The following NAA15 variants were observed in gnomAD, a reference collection of about 807,000 sequenced individuals.
NAA15 encodes N-alpha-acetyltransferase 15, NatA auxiliary subunit.
In NAA15, 34 loss-of-function variants were observed where a neutral mutation model predicts 114.0. That is an observed-to-expected ratio of 0.30 (90% CI 0.23 to 0.40). NAA15 has a LOEUF of 0.40. NAA15 is among the 10% of genes least tolerant of loss of function. The probability of loss-of-function intolerance (pLI) is 1.00; values close to 1 mark genes in which losing one functional copy is unlikely to be tolerated. For synonymous variants in NAA15, 340 were observed against 338.0 expected, an observed-to-expected ratio of 1.01 and a Z score of -0.06; for missense variants, 658 against 1,004.5, an observed-to-expected ratio of 0.66 and a Z score of 4.66.
In NAA15 at chr4:139,361,852, G is replaced by A; in HGVS notation, c.1668G>A (p.Lys556=). The A allele has an allele frequency of 6.2e-7, 1 of 1,613,682 alleles. No homozygotes were observed. Among genetic ancestry groups the A allele is most frequent in the East Asian group, 2.2e-5 (1 of 44,774 alleles). The change falls in exon 14 of 20, where the codon AAG becomes AAA. Residue 556 remains lysine, a synonymous_variant. Transcript: ENST00000296543. ...DVLRQHPFYF[K]AARIAIEIYL... The stretch of plus-strand genomic sequence containing the variant: ...TTCGACAGCATCCATTTTACTTCAA[G>A]GCAGCAAGAATTGCTATAGAGATCT...
At chr4:139,315,077 T>TAGGTTAGGTTAGGTTAGGTTAGGTTAGG (rs1560953122) in intron 1 of NAA15, among the ~76,000 whole-genome samples, 9 of 147,358 alleles carry the variant, frequency 6.1e-5, no homozygotes, top group East Asian at 3.9e-4. Flanking sequence ...TTAGTTTAGT[T>TAGGTTAGGTTAGGTTAGGTTAGGTTAGG]TTTGAGACGG....
chr4:139,346,479 G>GGA (rs1747585295), intron 6 of NAA15, among the ~76,000 whole-genome samples: 1 of 152,062 alleles, frequency 6.6e-6, no homozygotes, highest in African/African-American at 2.4e-5. Context: ...ATAGTTGGTG[G>GGA]GAGAAGATAA....
intron 1 of NAA15, among the ~76,000 whole-genome samples, chr4:139,304,175 T>A (rs981321296): frequency 6.6e-6 from 1 of 152,252 alleles, no homozygotes; most frequent in Non-Finnish European, 1.5e-5. Flanking sequence ...GCCTCGGCCT[T>A]CCGAAGTGCT....
At chr4:139,301,965 A>G (rs1560945892) in intron 1 of NAA15, 134 bp downstream of exon 1, 5 of 953,178 alleles carry the variant, frequency 5.2e-6, no homozygotes, top group Non-Finnish European at 7.8e-6. Flanking sequence ...GTCAGGCCGA[A>G]TGCATTGCTT....
At chr4:139,313,914 G>T (rs890976102) in intron 1 of NAA15, among the ~76,000 whole-genome samples, 12 of 151,824 alleles carry the variant, frequency 7.9e-5, no homozygotes, top group African/African-American at 2.9e-4. Context: ...AAAAGTCGCT[G>T]CGCTTTGCAA....
At position 139,344,193 on chromosome 4, in the gene NAA15, C is replaced by A; in HGVS notation, c.545C>A (p.Pro182His). Residue 182 changes from proline (P) to histidine (H), a missense_variant, in exon 6 of 20, where the codon CCT (proline) becomes CAT (histidine). Transcript: ENST00000296543. ...EEFRKTQQTSPDKVDYEYSEL... is the reference protein window; with the variant it reads ...EEFRKTQQTSHDKVDYEYSEL... ...CCTTATATCCATATACAGACATCCC[C>A]TGACAAGGTGGATTATGAATATAGT... 6.2e-7 allele frequency: 1 copy of A among 1,608,532 alleles called. No homozygotes were observed. Among genetic ancestry groups the A allele is most frequent in the South Asian group, 1.1e-5 (1 of 89,598 alleles).
chr4:139,337,339 G>A (rs1364797163), intron 3 of NAA15, among the ~76,000 whole-genome samples: 3 of 152,230 alleles, frequency 2.0e-5, no homozygotes, highest in South Asian at 2.1e-4. Flanking sequence ...ATATTAGAGC[G>A]GCATTATAAT....
intron 1 of NAA15, among the ~76,000 whole-genome samples, chr4:139,311,995 C>T (rs1202676337): frequency 1.3e-5 from 2 of 151,480 alleles, no homozygotes; most frequent in African/African-American, 2.4e-5. Flanking sequence ...GGAAAGTAAT[C>T]GTAGTGTTAG....
intron 5 of NAA15, among the ~76,000 whole-genome samples, chr4:139,343,683 A>C (rs1747486358): frequency 6.6e-6 from 1 of 152,254 alleles, no homozygotes; most frequent in South Asian, 2.1e-4. Flanking sequence ...GGCACATGCC[A>C]TCAGTTCGTT....
At position 139,328,143 on chromosome 4, in the gene NAA15, T is replaced by G. The variant is rs770221091; in HGVS notation, c.55-6031T>G. ...ATTTTTTTTTTCTTCTTCTGAAGTG[T>G]CATAAAATCTGCTTTACTCTTATCT... On this transcript the variant is annotated intron_variant, in intron 1 of 19. Transcript: ENST00000296543. 2.6e-4 allele frequency among the ~76,000 whole-genome samples: 40 copies of G among 152,188 alleles called. No homozygotes were observed. In the South Asian group the frequency reaches 2.9e-3, roughly 11 times the overall value.
chr4:139,303,635 G>A (rs1745890889), intron 1 of NAA15, among the ~76,000 whole-genome samples: 2 of 152,054 alleles, frequency 1.3e-5, no homozygotes, highest in African/African-American at 4.8e-5. Flanking sequence ...TGTCTCTACT[G>A]AAAATACAAA....
At chr4:139,347,222 G>C (rs1349836511) in intron 6 of NAA15, among the ~76,000 whole-genome samples, 5 of 152,248 alleles carry the variant, frequency 3.3e-5, no homozygotes, top group Middle Eastern at 3.4e-3. Flanking sequence ...AGCGCTCCTA[G>C]CTTATTTAGA....
At chr4:139,376,602 A>C in intron 16 of NAA15, 129 bp downstream of exon 16, 1 of 663,686 alleles carries the variant, frequency 1.5e-6, no homozygotes, top group Non-Finnish European at 2.7e-6. Context: ...TCTCACAGAA[A>C]TGCCTGCTAT....
intron 10 of NAA15, 112 bp downstream of exon 10, chr4:139,354,210 A>AT (rs1560971242): frequency 1.4e-5 from 11 of 771,418 alleles, no homozygotes; most frequent in East Asian, 2.6e-5. Flanking sequence ...AGTGCATTAA[A>AT]TTTTTTTCTC....
At chr4:139,355,724 G>A (rs913901844) in intron 10 of NAA15, among the ~76,000 whole-genome samples, 2 of 152,164 alleles carry the variant, frequency 1.3e-5, no homozygotes, top group East Asian at 1.9e-4. Flanking sequence ...GGTCCAACTA[G>A]AGATTTGATG....
Position 139,384,894 on chromosome 4 carries a change from C to A in NAA15, c.2218C>A (p.Arg740Ser). Residue 740 changes from arginine (R) to serine (S), a missense_variant, in exon 18 of 20, where the codon CGT becomes AGT. Physicochemically the swap from Arg to Ser is moderately radical, Grantham distance 110. Coordinates refer to ENST00000296543, the MANE Select transcript of NAA15 (RefSeq NM_057175.5). The part of the protein sequence containing the change: ...VRTVLKQEMN[R>S]LFGATNPKNF... ...AACAGTATTAAAACAAGAAATGAAT[C>A]GTCTTTTTGGAGCAACGAATCCAAA... 6.4e-7 allele frequency: 1 copy of A among 1,551,046 alleles called. No homozygotes were observed. Among genetic ancestry groups the A allele is most frequent in the Non-Finnish European group, 8.7e-7 (1 of 1,145,914 alleles).
chr4:139,363,142 G>C lies in NAA15; in HGVS notation c.1753+1205G>C, dbSNP rs530247696. 1.6e-4 allele frequency among the ~76,000 whole-genome samples: 24 copies of C among 152,272 alleles called. No homozygotes were observed. In the South Asian group the frequency reaches 4.6e-3, roughly 29 times the overall value. On this transcript the variant is annotated intron_variant, in intron 14 of 19. Transcript: ENST00000296543. ...AAACACCAGTAAGAAGAATCTGCTG[G>C]ACAATTTACTGTTAAAGTTGAGAGC...
chr4:139,362,525 G>A (rs1427721549), intron 14 of NAA15, among the ~76,000 whole-genome samples: 2 of 151,996 alleles, frequency 1.3e-5, no homozygotes, highest in African/African-American at 4.8e-5. Context: ...TGCCCACCTC[G>A]GCCTCCCAGA....
intron 1 of NAA15, among the ~76,000 whole-genome samples, chr4:139,329,995 G>A (rs534553213): frequency 8.5e-5 from 13 of 152,198 alleles, no homozygotes; most frequent in Admixed American, 5.2e-4. Flanking sequence ...ACAGTCTTGC[G>A]CCACCTGTTA....
Sources: allele counts gnomAD v4.1 joint callset (sites outside exome capture counted in the v4.1 genomes callset), GRCh38; gene constraint gnomAD v4.1.1; transcripts MANE v1.5; gene names NCBI Gene and HGNC (gene_info 2026-07-23, HGNC 2026-07-21).